The following CCDC85A variants were observed in gnomAD, a reference collection of about 807,000 sequenced individuals.
The protein encoded by CCDC85A is coiled-coil domain containing 85A.
A neutral mutation model predicts 50.2 loss-of-function variants in CCDC85A; 38 were observed. The observed-to-expected ratio is 0.76, with a 90% CI of 0.58 to 0.99. CCDC85A has a LOEUF of 0.99. Among genes scored for constraint, CCDC85A ranks in the 50% least tolerant of loss-of-function variants. CCDC85A has a pLI of 0.00. For missense variants in CCDC85A, 820 were observed against 742.0 expected (o/e 1.11, Z -1.22); for synonymous variants, 366 against 301.4 (o/e 1.21, Z -2.22).
chr2:56,318,319 C>T (rs999097560), intron 2 of CCDC85A, among the ~76,000 whole-genome samples: 2 of 151,904 alleles, frequency 1.3e-5, no homozygotes, highest in Admixed American at 6.6e-5. Context: ...GTTCCTTCAT[C>T]GTGCTAAGCT....
chr2:56,239,351 T>TTAC (rs1311823928), intron 2 of CCDC85A, among the ~76,000 whole-genome samples: 6 of 151,856 alleles, frequency 4.0e-5, no homozygotes, highest in Non-Finnish European at 5.9e-5. Flanking sequence ...TGGCATAAAG[T>TTAC]GGTATGCTTA....
intron 3 of CCDC85A, among the ~76,000 whole-genome samples, chr2:56,366,303 C>T (rs1675791350): frequency 6.6e-6 from 1 of 151,992 alleles, no homozygotes; most frequent in Non-Finnish European, 1.5e-5. Context: ...ATATGTAGTC[C>T]TACTTGTAAT....
At chr2:56,217,708 A>G (rs1668138875) in intron 2 of CCDC85A, among the ~76,000 whole-genome samples, 1 of 151,870 alleles carries the variant, frequency 6.6e-6, no homozygotes, top group Non-Finnish European at 1.5e-5. Context: ...AATAAAAGCA[A>G]AGTGCCCAAA....
intron 3 of CCDC85A, among the ~76,000 whole-genome samples, chr2:56,350,950 C>T (rs1440270447): frequency 6.8e-6 from 1 of 146,992 alleles, no homozygotes; most frequent in African/African-American, 2.5e-5. Context: ...GTGCTGCACC[C>T]ATTAACTCGT....
At chr2:56,314,717 C>T (rs1017522478) in intron 2 of CCDC85A, among the ~76,000 whole-genome samples, 8 of 152,180 alleles carry the variant, frequency 5.3e-5, no homozygotes, top group African/African-American at 1.9e-4. Context: ...TCTCAGATGC[C>T]TGCCATTTGA....
intron 2 of CCDC85A, among the ~76,000 whole-genome samples, chr2:56,291,249 C>T (rs1453240265): frequency 1.3e-5 from 2 of 152,130 alleles, no homozygotes; most frequent in Non-Finnish European, 2.9e-5. Flanking sequence ...ATGGATCTAA[C>T]CATATTGTGG....
chr2:56,371,896 G>T lies in CCDC85A; in HGVS notation c.1318-448G>T, dbSNP rs192849563. The stretch of plus-strand genomic sequence containing the variant: ...TAATTTTCTCAGTATTATTGAATAT[G>T]TATACCCAAATTTCACTTCTTAACA... On this transcript the variant is annotated intron_variant, in intron 3 of 5. Transcript: ENST00000407595. 4.0e-3 allele frequency among the ~76,000 whole-genome samples: 604 copies of T among 152,186 alleles called. 3 individuals carry two copies. Among genetic ancestry groups the T allele is most frequent in the African/African-American group, 0.014 (586 of 41,524 alleles).
At chr2:56,298,851 A>G (rs770335010) in intron 2 of CCDC85A, among the ~76,000 whole-genome samples, 1 of 152,158 alleles carries the variant, frequency 6.6e-6, no homozygotes, top group Non-Finnish European at 1.5e-5. Flanking sequence ...TTTATTAGCT[A>G]GCCAAATTTC....
chr2:56,216,404 A>C (rs886232339), intron 2 of CCDC85A, among the ~76,000 whole-genome samples: 4 of 151,782 alleles, frequency 2.6e-5, no homozygotes, highest in Admixed American at 2.6e-4. Flanking sequence ...AGACTATCGT[A>C]CTACTTAAAA....
chr2:56,307,299 T>C (rs1322081408), intron 2 of CCDC85A, among the ~76,000 whole-genome samples: 2 of 152,180 alleles, frequency 1.3e-5, no homozygotes, highest in African/African-American at 4.8e-5. Context: ...TGAAATATAT[T>C]AATTCTAGAG....
chr2:56,253,813 T>C (rs1255351756), intron 2 of CCDC85A, among the ~76,000 whole-genome samples: 1 of 152,140 alleles, frequency 6.6e-6, no homozygotes, highest in Non-Finnish European at 1.5e-5. Flanking sequence ...CTTGAAAACA[T>C]GCAAGAATGG....
At chr2:56,355,897 A>G (rs999766059) in intron 3 of CCDC85A, among the ~76,000 whole-genome samples, 1 of 152,212 alleles carries the variant, frequency 6.6e-6, no homozygotes, top group African/African-American at 2.4e-5. Flanking sequence ...ACAAATAACC[A>G]ATAAACCCAG....
At chr2:56,233,697 C>G (rs990684314) in intron 2 of CCDC85A, among the ~76,000 whole-genome samples, 1 of 152,184 alleles carries the variant, frequency 6.6e-6, no homozygotes, top group Non-Finnish European at 1.5e-5. Flanking sequence ...TTTGGTGACT[C>G]CCGCTTTAAA....
At chr2:56,366,619 T>G (rs1675808733) in intron 3 of CCDC85A, among the ~76,000 whole-genome samples, 3 of 152,222 alleles carry the variant, frequency 2.0e-5, no homozygotes, top group Admixed American at 1.3e-4. Context: ...TTGAGATGTT[T>G]GAGTTATTTC....
intron 2 of CCDC85A, among the ~76,000 whole-genome samples, chr2:56,225,170 A>G (rs1220374920): frequency 2.0e-5 from 3 of 151,586 alleles, no homozygotes; most frequent in Admixed American, 6.6e-5. Flanking sequence ...TGAAAATACT[A>G]TTTACTCCTG....
At chr2:56,303,497 A>G (rs1319765679) in intron 2 of CCDC85A, among the ~76,000 whole-genome samples, 1 of 152,108 alleles carries the variant, frequency 6.6e-6, no homozygotes, top group Non-Finnish European at 1.5e-5. Context: ...GTAGAAAAGA[A>G]CTTGATTTGA....
chr2:56,276,572 C>G (rs968681350), intron 2 of CCDC85A, among the ~76,000 whole-genome samples: 4 of 152,146 alleles, frequency 2.6e-5, no homozygotes, highest in African/African-American at 9.7e-5. Flanking sequence ...CTCTCATTCT[C>G]TCTCTTGCCG....
At chr2:56,352,661 A>C (rs1247220039) in intron 3 of CCDC85A, among the ~76,000 whole-genome samples, 2 of 152,276 alleles carry the variant, frequency 1.3e-5, no homozygotes, top group East Asian at 3.9e-4. Flanking sequence ...TTCTTAAATT[A>C]CATTTGAAAA....
intron 3 of CCDC85A, among the ~76,000 whole-genome samples, chr2:56,360,292 A>T (rs114579654): frequency 1.3e-5 from 2 of 152,172 alleles, no homozygotes; most frequent in Non-Finnish European, 2.9e-5. Flanking sequence ...GTCTCTCTTC[A>T]CAGCTACCAC....
Sources: allele counts gnomAD v4.1 joint callset (sites outside exome capture counted in the v4.1 genomes callset), GRCh38; gene constraint gnomAD v4.1.1; transcripts MANE v1.5; gene names NCBI Gene and HGNC (gene_info 2026-07-23, HGNC 2026-07-21).